ANKRD13C: variants seen among roughly 807,000 people sequenced by gnomAD.
The protein encoded by ANKRD13C is ankyrin repeat domain 13C.
Under a neutral mutation model 65.5 loss-of-function variants are expected in ANKRD13C, and 16 were observed. The observed-to-expected ratio is 0.24, with a 90% CI of 0.17 to 0.37. ANKRD13C has a LOEUF of 0.37. Among genes scored for constraint, ANKRD13C ranks in the 10% least tolerant of loss-of-function variants. The probability of loss-of-function intolerance (pLI) is 1.00; values close to 1 mark genes in which losing one functional copy is unlikely to be tolerated. For synonymous variants in ANKRD13C, 235 were observed against 238.7 expected, an observed-to-expected ratio of 0.98 and a Z score of 0.14; for missense variants, 503 against 655.9, an observed-to-expected ratio of 0.77 and a Z score of 2.55.
intron 5 of ANKRD13C, among the ~76,000 whole-genome samples, chr1:70,311,600 T>A (rs541629916): frequency 2.5e-4 from 38 of 152,256 alleles, no homozygotes; most frequent in African/African-American, 7.5e-4. Flanking sequence ...TAGTAAGCAC[T>A]GAAAAGCATT....
At chr1:70,327,462 G>C (rs2101550900) in intron 2 of ANKRD13C, among the ~76,000 whole-genome samples, 1 of 152,246 alleles carries the variant, frequency 6.6e-6, no homozygotes, top group South Asian at 2.1e-4. Context: ...TGGGCACAAA[G>C]GTGGGGAAAA....
chr1:70,347,971 C>T (rs1682599994), intron 1 of ANKRD13C, among the ~76,000 whole-genome samples: 1 of 152,116 alleles, frequency 6.6e-6, no homozygotes, highest in South Asian at 2.1e-4. Context: ...AAACACAAAG[C>T]AAACAAACAA....
chr1:70,343,266 G>A (rs1028560016), intron 1 of ANKRD13C, among the ~76,000 whole-genome samples: 3 of 152,102 alleles, frequency 2.0e-5, no homozygotes, highest in Non-Finnish European at 4.4e-5. Context: ...CTGGCTAACA[G>A]TGAATTTACT....
chr1:70,283,489 A>G (rs1229381136), intron 9 of ANKRD13C, among the ~76,000 whole-genome samples: 1 of 152,034 alleles, frequency 6.6e-6, no homozygotes. Flanking sequence ...CATGTATTTT[A>G]TTATGTATTC....
chr1:70,315,198 C>T (rs917695986), intron 4 of ANKRD13C, among the ~76,000 whole-genome samples: 5 of 152,058 alleles, frequency 3.3e-5, no homozygotes, highest in Admixed American at 1.3e-4. Context: ...AATTCAAAGG[C>T]AAAGGAAAAT....
chr1:70,303,636 A>G (rs1279321468), intron 6 of ANKRD13C, among the ~76,000 whole-genome samples: 2 of 152,236 alleles, frequency 1.3e-5, no homozygotes, highest in Non-Finnish European at 2.9e-5. Context: ...TCTCTTTGAT[A>G]CCAGAGAAGA....
intron 7 of ANKRD13C, among the ~76,000 whole-genome samples, chr1:70,300,523 G>A (rs1680303303): frequency 6.6e-6 from 1 of 152,020 alleles, no homozygotes; most frequent in African/African-American, 2.4e-5. Flanking sequence ...GGGAGGCGGA[G>A]GTTGCAGTGA....
intron 2 of ANKRD13C, among the ~76,000 whole-genome samples, chr1:70,332,883 G>C (rs1681872998): frequency 6.6e-6 from 1 of 152,090 alleles, no homozygotes. Context: ...AATAAAATTA[G>C]AACCCTCAAA....
At chr1:70,282,903 G>T (rs1324750414) in intron 9 of ANKRD13C, among the ~76,000 whole-genome samples, 2 of 151,938 alleles carry the variant, frequency 1.3e-5, no homozygotes, top group African/African-American at 4.8e-5. Context: ...AGACACATTT[G>T]TCATATGATT....
intron 2 of ANKRD13C, among the ~76,000 whole-genome samples, chr1:70,334,886 A>G (rs1239990018): frequency 1.3e-5 from 2 of 152,104 alleles, no homozygotes; most frequent in South Asian, 2.1e-4. Flanking sequence ...AGCCTAGGCA[A>G]TAAGAGTGAA....
At chr1:70,350,464 A>G (rs1291721207) in intron 1 of ANKRD13C, among the ~76,000 whole-genome samples, 4 of 152,222 alleles carry the variant, frequency 2.6e-5, no homozygotes, top group Non-Finnish European at 5.9e-5. Flanking sequence ...ATCTTGCCAA[A>G]TATCTAAAGG....
chr1:70,301,173 A>G (rs913358822), intron 6 of ANKRD13C, among the ~76,000 whole-genome samples: 3 of 144,930 alleles, frequency 2.1e-5, no homozygotes, highest in Admixed American at 2.0e-4. Flanking sequence ...ATATATATAC[A>G]CACACATATA....
intron 9 of ANKRD13C, among the ~76,000 whole-genome samples, chr1:70,291,466 T>G (rs1679866218): frequency 6.6e-6 from 1 of 152,214 alleles, no homozygotes; most frequent in Non-Finnish European, 1.5e-5. Context: ...TGAGGAGCAG[T>G]TACCATGTCT....
intron 1 of ANKRD13C, 21 bp from the exon 2 acceptor site, chr1:70,336,120 TA>T: frequency 3.0e-6 from 2 of 673,352 alleles, no homozygotes; most frequent in Non-Finnish European, 4.2e-6. Context: ...TAAAATAAAA[TA>T]AATAAATTAG....
chr1:70,280,515 G>A (rs1226708189), intron 9 of ANKRD13C, among the ~76,000 whole-genome samples: 1 of 152,150 alleles, frequency 6.6e-6, no homozygotes, highest in African/African-American at 2.4e-5. Flanking sequence ...TACATATGAA[G>A]TAGATCACAT....
chr1:70,325,672 A>G (rs901286763), intron 2 of ANKRD13C, among the ~76,000 whole-genome samples: 1 of 151,898 alleles, frequency 6.6e-6, no homozygotes, highest in Non-Finnish European at 1.5e-5. Flanking sequence ...AGGTCAGGAG[A>G]TCGAGACCAT....
At chr1:70,328,013 C>A (rs570297793) in intron 2 of ANKRD13C, among the ~76,000 whole-genome samples, 1 of 151,794 alleles carries the variant, frequency 6.6e-6, no homozygotes, top group East Asian at 1.9e-4. Context: ...TGCAGTGAGC[C>A]GAGACTGTAC....
intron 9 of ANKRD13C, among the ~76,000 whole-genome samples, chr1:70,287,275 C>T (rs1293643360): frequency 6.6e-6 from 1 of 152,002 alleles, no homozygotes; most frequent in African/African-American, 2.4e-5. Flanking sequence ...TCAAGTCTCA[C>T]CGAATTGATC....
intron 7 of ANKRD13C, among the ~76,000 whole-genome samples, chr1:70,300,323 C>T (rs1680292855): frequency 6.6e-6 from 1 of 152,162 alleles, no homozygotes; most frequent in African/African-American, 2.4e-5. Flanking sequence ...CGCAGTGGCT[C>T]ACGCCTGTAA....
Sources: allele counts gnomAD v4.1 joint callset (sites outside exome capture counted in the v4.1 genomes callset), GRCh38; gene constraint gnomAD v4.1.1; transcripts MANE v1.5; gene names NCBI Gene and HGNC (gene_info 2026-07-23, HGNC 2026-07-21).